Variants in FAM200A observed in about 807,000 individuals in gnomAD.
FAM200A encodes the protein ZBED8 like.
In FAM200A, 26 loss-of-function variants were observed where a neutral mutation model predicts 44.2. That is an observed-to-expected ratio of 0.59 (90% confidence interval 0.43 to 0.82). The LOEUF is 0.82. FAM200A is among the 40% of genes least tolerant of loss of function. The pLI, the probability that FAM200A is intolerant of heterozygous loss-of-function variation, is 0.00. For synonymous variants in FAM200A, 206 were observed against 244.4 expected (o/e 0.84, Z 1.47); for missense variants, 606 against 669.5 (o/e 0.91, Z 1.05).
chr7:99,557,597 G>C (rs1584232014), intron 1 of FAM200A, among the ~76,000 whole-genome samples: 1 of 152,188 alleles, frequency 6.6e-6, no homozygotes, highest in East Asian at 1.9e-4. Flanking sequence ...CTCCGATCCT[G>C]ACTCCACTGT....
At position 99,548,444 on chromosome 7, in the gene FAM200A, T is replaced by C. The variant is rs1322569684; in HGVS notation, c.-37A>G. The C allele has an allele frequency of 1.9e-6, 3 of 1,593,476 alleles. No homozygotes were observed. The highest frequency in any genetic ancestry group is 1.1e-5 in the South Asian group (1 of 87,010). On this transcript the variant is annotated 5_prime_UTR_variant, in exon 2 of 2. Coordinates refer to ENST00000449309, the MANE Select transcript of FAM200A (RefSeq NM_145111.4). Reference sequence around the variant, plus strand: ...CAGGAACTGGCTCACTTGATCCAAATAGGGTCTGTTTTGCAGGGCTGTCCT... The same window carrying C: ...CAGGAACTGGCTCACTTGATCCAAACAGGGTCTGTTTTGCAGGGCTGTCCT...
upstream of FAM200A, chr7:99,552,133 A>G: frequency 1.0e-6 from 1 of 985,480 alleles, no homozygotes; most frequent in Non-Finnish European, 1.2e-6. Flanking sequence ...GAAGTGCGTC[A>G]CACCCGCCTT....
chr7:99,558,368 G>A (rs1305618343), exon 1 of FAM200A: 1 of 152,184 alleles, frequency 6.6e-6, no homozygotes, highest in East Asian at 1.9e-4. Flanking sequence ...GGGCCCAGGG[G>A]GCGCTTTCCC....
Position 99,546,315 on chromosome 7 carries a change from T to C in FAM200A, c.*371A>G, listed in dbSNP as rs2151127716. The C allele has an allele frequency of 6.0e-6, 1 of 167,288 alleles. No homozygotes were observed. Among genetic ancestry groups the C allele is most frequent in the East Asian group, 1.7e-4 (1 of 6,014 alleles). The allele number at this position is 167,288 out of a possible 1,614,324, so 10.4% of individuals were successfully genotyped here. On this transcript the variant is annotated 3_prime_UTR_variant, in exon 2 of 2. Transcript: ENST00000449309. Reference sequence around the variant, plus strand: ...AAAAATAAAATCCTAATTACAAATATAATTTTATTAACGTTTAACTACAAC... The same window carrying C: ...AAAAATAAAATCCTAATTACAAATACAATTTTATTAACGTTTAACTACAAC...
chr7:99,553,543 T>C (rs913435794), upstream of FAM200A, among the ~76,000 whole-genome samples: 2 of 152,160 alleles, frequency 1.3e-5, no homozygotes, highest in Non-Finnish European at 2.9e-5. Flanking sequence ...CACGATTTAA[T>C]GTTTCCTAGA....
upstream of FAM200A, among the ~76,000 whole-genome samples, chr7:99,553,099 ATTTTTTTTTT>A (rs576289512): frequency 1.1e-4 from 7 of 61,396 alleles, no homozygotes; most frequent in Admixed American, 4.2e-4. Context: ...ATATATATAT[ATTTTTTTTTT>A]TTTTTTTTTC....
upstream of FAM200A, among the ~76,000 whole-genome samples, chr7:99,552,511 T>C (rs189570195): frequency 7.6e-4 from 115 of 152,304 alleles, no homozygotes; most frequent in Non-Finnish European, 1.2e-3. Context: ...GAATGGGCAG[T>C]ATTTTCAAAT....
At chr7:99,555,659 A>C (rs2151133671), upstream of FAM200A, among the ~76,000 whole-genome samples, 1 of 152,314 alleles carries the variant, frequency 6.6e-6, no homozygotes, top group East Asian at 1.9e-4. Flanking sequence ...CTGTAATCCC[A>C]GCACTTTGGG....
upstream of FAM200A, among the ~76,000 whole-genome samples, chr7:99,556,537 A>G (rs1802681105): frequency 6.6e-6 from 1 of 151,990 alleles, no homozygotes; most frequent in South Asian, 2.1e-4. Flanking sequence ...ATTCAACCTC[A>G]TATTTCTGGA....
chr7:99,547,419 T>C lies in FAM200A; in HGVS notation c.989A>G (p.His330Arg). The part of the protein sequence containing the change: ...IYIFLVEKQS[H>R]LANIFEDDIW... Reference sequence around the variant, plus strand: ...GTCGTCTTCAAAAATATTTGCCAAATGAGATTGCTTTTCAACGAGAAAAAT... The same window carrying C: ...GTCGTCTTCAAAAATATTTGCCAAACGAGATTGCTTTTCAACGAGAAAAAT... The change falls in exon 2 of 2, where the codon CAT becomes CGT. Residue 330 changes from histidine (H) to arginine (R), a missense_variant. His to Arg is a conservative substitution (Grantham distance 29). Coordinates refer to ENST00000449309, the MANE Select transcript of FAM200A (RefSeq NM_145111.4). The C allele has an allele frequency of 7.1e-6, 11 of 1,551,406 alleles. No individual in the cohort carries two copies. The highest frequency in any genetic ancestry group is 9.6e-6 in the Non-Finnish European group (11 of 1,146,892).
At chr7:99,553,090 TA>T (rs1562927181), upstream of FAM200A, among the ~76,000 whole-genome samples, 16 of 101,988 alleles carry the variant, frequency 1.6e-4, no homozygotes, top group South Asian at 6.7e-4. Context: ...TATATATATA[TA>T]TATATATATT....
chr7:99,552,990 C>CATATATATACACATATATATACATGTAT (rs1802572473), upstream of FAM200A, among the ~76,000 whole-genome samples: 1 of 143,012 alleles, frequency 7.0e-6, no homozygotes, highest in African/African-American at 2.6e-5. Context: ...TATATACACA[C>CATATATATACACATATATATACATGTAT]ATATATATAC....
At position 99,548,427 on chromosome 7, in the gene FAM200A, G is replaced by C. The variant is rs958048130; in HGVS notation, c.-20C>G. ...AGTCATTATTCAGGTTCCAGGAACT[G>C]GCTCACTTGATCCAAATAGGGTCTG... On this transcript the variant is annotated 5_prime_UTR_variant, in exon 2 of 2. Coordinates refer to ENST00000449309, the MANE Select transcript of FAM200A (RefSeq NM_145111.4). 26 of 1,604,578 alleles carry C rather than the reference G, an allele frequency of 1.6e-5. No individual in the cohort carries two copies. The East Asian group carries it at 5.8e-4, about 36-fold the overall frequency.
chr7:99,546,778 G>A lies in FAM200A; in HGVS notation c.1630C>T (p.Leu544Phe). The change falls in exon 2 of 2, where the codon CTC becomes TTC. Residue 544 changes from leucine to phenylalanine, a missense_variant. Transcript: ENST00000449309. The part of the protein sequence containing the change: ...TRLKTKKRNR[L>F]NSAPDMRVAL... ...ACCCGCATATCTGGTGCACTATTGAGCCTATTTCTCTTCTTTGTTTTTAAC... is the reference window on the plus strand; with the variant it reads ...ACCCGCATATCTGGTGCACTATTGAACCTATTTCTCTTCTTTGTTTTTAAC... The A allele has an allele frequency of 6.4e-7, 1 of 1,551,620 alleles. No individual in the cohort carries two copies. The highest frequency in any genetic ancestry group is 8.7e-7 in the Non-Finnish European group (1 of 1,146,986).
At position 99,548,440 on chromosome 7, in the gene FAM200A, C is replaced by T. The variant is rs1458027434; in HGVS notation, c.-33G>A. The T allele has an allele frequency of 5.6e-6, 9 of 1,595,066 alleles. No individual in the cohort carries two copies. The highest frequency in any genetic ancestry group is 7.7e-6 in the Non-Finnish European group (9 of 1,170,630). ...GTTCCAGGAACTGGCTCACTTGATCCAAATAGGGTCTGTTTTGCAGGGCTG... is the reference window on the plus strand; with the variant it reads ...GTTCCAGGAACTGGCTCACTTGATCTAAATAGGGTCTGTTTTGCAGGGCTG... On this transcript the variant is annotated 5_prime_UTR_variant, in exon 2 of 2. Coordinates refer to ENST00000449309, the MANE Select transcript of FAM200A (RefSeq NM_145111.4).
chr7:99,549,756 G>A (rs1802486794), intron 1 of FAM200A, among the ~76,000 whole-genome samples: 1 of 152,180 alleles, frequency 6.6e-6, no homozygotes, highest in East Asian at 1.9e-4. Context: ...GTAGGGACAT[G>A]GATGAAGTTG....
Position 99,551,901 on chromosome 7 carries a change from A to G in FAM200A, c.-147T>C. On this transcript the variant is annotated 5_prime_UTR_variant, in exon 1 of 2. Transcript: ENST00000449309. ...TGGGGGACAGCGCTTGCCACCGCCG[A>G]GGCTGGCGCGAGGAACGGGGGCACG... 1 of 985,480 alleles carries G rather than the reference A, an allele frequency of 1.0e-6. No homozygotes were observed. 61.0% of individuals were successfully genotyped at this position (985,480 alleles called of 1,614,324 possible). A position where few individuals can be genotyped will look rare whatever the true frequency, so the allele number is the denominator to read the frequency against.
upstream of FAM200A, chr7:99,552,177 G>A (rs1303906682): frequency 1.0e-6 from 1 of 985,318 alleles, no homozygotes; most frequent in Non-Finnish European, 1.2e-6. Flanking sequence ...GTCCTCTCTA[G>A]GATCGCGGGA....
chr7:99,557,034 TCAA>T (rs1441801197), upstream of FAM200A, among the ~76,000 whole-genome samples: 1 of 152,220 alleles, frequency 6.6e-6, no homozygotes, highest in Non-Finnish European at 1.5e-5. Context: ...AGACTCTGTC[TCAA>T]CAACAACAAA....
Sources: allele counts gnomAD v4.1 joint callset (sites outside exome capture counted in the v4.1 genomes callset), GRCh38; gene constraint gnomAD v4.1.1; transcripts MANE v1.5; gene names NCBI Gene and HGNC (gene_info 2026-07-23, HGNC 2026-07-21).